Variants in PARN observed in about 807,000 individuals in gnomAD.
The protein encoded by PARN is poly(A)-specific ribonuclease PARN.
In PARN, 71 loss-of-function variants were observed where a neutral mutation model predicts 102.8. That is an observed-to-expected ratio of 0.69 (90% CI 0.57 to 0.84). The LOEUF (loss-of-function observed/expected upper bound fraction) is 0.84. Among genes scored for constraint, PARN ranks in the 40% least tolerant of loss-of-function variants. The pLI is 0.00. For missense variants in PARN, 782 were observed against 760.9 expected (o/e 1.03, Z -0.33); for synonymous variants, 261 against 252.9 (o/e 1.03, Z -0.30).
In PARN at chr16:14,554,126, G is replaced by T; in HGVS notation, c.1344C>A (p.Leu448=). The T allele has an allele frequency of 6.2e-7, 1 of 1,613,286 alleles. No homozygotes were observed. Among genetic ancestry groups the T allele is most frequent in the Non-Finnish European group, 8.5e-7 (1 of 1,179,490 alleles). Residue 448 remains leucine, a synonymous_variant, in exon 20 of 24, where the codon CTC becomes CTA. Coordinates refer to ENST00000437198, the MANE Select transcript of PARN (RefSeq NM_002582.4). ...TCCATTCTTTGGGGAATGTCACATG[G>T]AGAACATGATCACGTTTAGGCTGCA... ...PDLQPKRDHV[L]HVTFPKEWKT...
intron 23 of PARN, among the ~76,000 whole-genome samples, chr16:14,445,773 A>T (rs371364350): frequency 2.0e-5 from 3 of 152,168 alleles, no homozygotes; most frequent in Non-Finnish European, 4.4e-5. Flanking sequence ...CATGTTGGCC[A>T]TGCTGGTCTT....
intron 21 of PARN, among the ~76,000 whole-genome samples, chr16:14,542,282 A>G (rs1016481035): frequency 1.3e-5 from 2 of 150,286 alleles, no homozygotes; most frequent in African/African-American, 4.9e-5. Flanking sequence ...CTATGATTAC[A>G]GTCATGAGCC....
intron 23 of PARN, among the ~76,000 whole-genome samples, chr16:14,445,264 T>A (rs948909512): frequency 6.6e-6 from 1 of 152,292 alleles, no homozygotes; most frequent in African/African-American, 2.4e-5. Flanking sequence ...TTCAGCATAA[T>A]GTACAAAAAG....
chr16:14,519,152 T>A (rs1965608920), intron 21 of PARN, among the ~76,000 whole-genome samples: 1 of 151,636 alleles, frequency 6.6e-6, no homozygotes, highest in Admixed American at 6.6e-5. Context: ...AAAGAACGTA[T>A]ATATTTAGGA....
intron 21 of PARN, among the ~76,000 whole-genome samples, chr16:14,506,611 G>A (rs1964906297): frequency 6.6e-6 from 1 of 152,194 alleles, no homozygotes; most frequent in Non-Finnish European, 1.5e-5. Context: ...TTATGCTTGT[G>A]TATATATGTG....
chr16:14,449,142 T>A (rs1001163857), intron 22 of PARN, among the ~76,000 whole-genome samples: 6 of 152,102 alleles, frequency 3.9e-5, no homozygotes, highest in African/African-American at 9.7e-5. Flanking sequence ...GAGACATACA[T>A]AAATGTTTAA....
At chr16:14,508,292 T>C (rs190026318) in intron 21 of PARN, among the ~76,000 whole-genome samples, 1 of 151,822 alleles carries the variant, frequency 6.6e-6, no homozygotes. Flanking sequence ...CACTTTGAGA[T>C]GCCAAGGTAG....
intron 18 of PARN, among the ~76,000 whole-genome samples, chr16:14,576,865 T>G (rs1439335040): frequency 1.3e-5 from 2 of 152,224 alleles, no homozygotes; most frequent in Admixed American, 6.5e-5. Flanking sequence ...GACATTCTTC[T>G]AGACCAGTAT....
At chr16:14,587,781 A>C (rs964297957) in intron 13 of PARN, among the ~76,000 whole-genome samples, 23 of 152,254 alleles carry the variant, frequency 1.5e-4, no homozygotes, top group Non-Finnish European at 3.1e-4. Flanking sequence ...AATAAAGTGA[A>C]GGATAAAACT....
chr16:14,612,161 G>T (rs899100364), intron 6 of PARN, among the ~76,000 whole-genome samples: 1 of 152,116 alleles, frequency 6.6e-6, no homozygotes, highest in Admixed American at 6.5e-5. Flanking sequence ...CCTTGCGGCC[G>T]GGCATGGTGG....
rs542080326 is a variant in PARN at position 14,489,576 on chromosome 16, G to A, written c.1481-6749C>T. On this transcript the variant is annotated intron_variant, in intron 21 of 23. Coordinates refer to ENST00000437198, the MANE Select transcript of PARN (RefSeq NM_002582.4). ...AGCTCAAACTTACTCCTGTTTCAAT[G>A]TCTTCGGTCACATGGAAGTGGAGCC... Among the ~76,000 whole-genome samples, 12 of 152,030 alleles carry A rather than the reference G, an allele frequency of 7.9e-5. No homozygotes were observed. In the South Asian group the frequency reaches 2.5e-3, roughly 32 times the overall value.
At chr16:14,557,471 C>T (rs1967762205) in intron 18 of PARN, among the ~76,000 whole-genome samples, 1 of 150,422 alleles carries the variant, frequency 6.6e-6, no homozygotes, top group African/African-American at 2.5e-5. Flanking sequence ...GCAGGAGAAT[C>T]GCTTGAACCA....
chr16:14,606,712 C>T (rs1190442425), intron 9 of PARN, among the ~76,000 whole-genome samples, 186 bp from the exon 10 acceptor site: 1 of 151,900 alleles, frequency 6.6e-6, no homozygotes, highest in Non-Finnish European at 1.5e-5. Flanking sequence ...GTTTCCTTAC[C>T]CTTGCTCTTA....
intron 2 of PARN, among the ~76,000 whole-genome samples, chr16:14,629,128 G>A (rs956444945): frequency 6.6e-6 from 1 of 152,210 alleles, no homozygotes; most frequent in Non-Finnish European, 1.5e-5. Flanking sequence ...CTGGGCGAAA[G>A]GAGAAATGGG....
At chr16:14,580,100 T>A (rs1969424499) in intron 18 of PARN, among the ~76,000 whole-genome samples, 1 of 151,062 alleles carries the variant, frequency 6.6e-6, no homozygotes, top group African/African-American at 2.4e-5. Context: ...GCTAAGAAAA[T>A]CATGTTTTCT....
chr16:14,470,622 C>A (rs1359919922), intron 22 of PARN, among the ~76,000 whole-genome samples: 1 of 150,568 alleles, frequency 6.6e-6, no homozygotes, highest in Non-Finnish European at 1.5e-5. Context: ...ACACACCCGG[C>A]TAACTTTTGT....
intron 21 of PARN, among the ~76,000 whole-genome samples, chr16:14,547,073 A>G (rs1371781000): frequency 6.6e-6 from 1 of 151,562 alleles, no homozygotes; most frequent in Non-Finnish European, 1.5e-5. Flanking sequence ...AGCCTGGGCA[A>G]CAGAGAGAGA....
intron 22 of PARN, among the ~76,000 whole-genome samples, chr16:14,451,888 A>G (rs1961475624): frequency 1.4e-5 from 2 of 138,884 alleles, no homozygotes; most frequent in Non-Finnish European, 3.1e-5. Flanking sequence ...AAAAAAAAAA[A>G]AAAATACAAA....
chr16:14,627,873 G>C (rs115149280), intron 3 of PARN, among the ~76,000 whole-genome samples: 177 of 152,348 alleles, frequency 1.2e-3, no homozygotes, highest in African/African-American at 4.1e-3. Context: ...GCTGGGCACA[G>C]TGGCTTGCGC....
Sources: gnomAD v4.1 joint callset for allele counts (sites outside exome capture counted in the v4.1 genomes callset) on GRCh38, gnomAD v4.1.1 for gene constraint, MANE v1.5 for transcripts, NCBI Gene and HGNC (gene_info 2026-07-23, HGNC 2026-07-21) for gene names.